CCL17: variants seen among roughly 807,000 people sequenced by gnomAD.
The protein encoded by CCL17 is C-C motif chemokine 17.
Under a neutral mutation model 7.4 loss-of-function variants are expected in CCL17, and 8 were observed. The ratio of observed to expected loss-of-function variants is 1.09; its 90% CI spans 0.64 to 1.96. The LOEUF (loss-of-function observed/expected upper bound fraction) is 1.96. Among genes scored for constraint, CCL17 ranks in the 30% most tolerant of loss-of-function variants. CCL17 has a pLI of 0.00. For missense variants in CCL17, 102 were observed against 113.0 expected (o/e 0.90, Z 0.44); for synonymous variants, 40 against 46.1 (o/e 0.87, Z 0.54).
chr16:57,412,853 C>G (rs902844973), intron 1 of CCL17, among the ~76,000 whole-genome samples: 2 of 152,192 alleles, frequency 1.3e-5, no homozygotes, highest in South Asian at 4.1e-4. Flanking sequence ...GGGACTGACC[C>G]GCATGCAGTG....
At chr16:57,401,815 GCCC>G (rs1902598221), upstream of CCL17, among the ~76,000 whole-genome samples, 1 of 152,146 alleles carries the variant, frequency 6.6e-6, no homozygotes, top group South Asian at 2.1e-4. Context: ...ACTCTCCTGT[GCCC>G]CTCCAAGGAA....
the CCL17 span, among the ~76,000 whole-genome samples, chr16:57,396,187 A>G: frequency 6.6e-6 from 1 of 152,164 alleles, no homozygotes; most frequent in Non-Finnish European, 1.5e-5. Context: ...GCACTGACAG[A>G]CTTGAGCTTT....
At chr16:57,407,964 ACCAT>A (rs1403645796) in intron 1 of CCL17, among the ~76,000 whole-genome samples, 2 of 149,932 alleles carry the variant, frequency 1.3e-5, no homozygotes, top group Non-Finnish European at 3.0e-5. Flanking sequence ...ACATCCATCT[ACCAT>A]CCATCCATCT....
intron 1 of CCL17, among the ~76,000 whole-genome samples, chr16:57,413,557 C>G (rs2062156477): frequency 6.6e-6 from 1 of 152,246 alleles, no homozygotes; most frequent in Non-Finnish European, 1.5e-5. Context: ...ATGAAGGATG[C>G]TCTCCAGCTA....
At chr16:57,407,901 A>G (rs1412708722) in intron 1 of CCL17, among the ~76,000 whole-genome samples, 1 of 150,666 alleles carries the variant, frequency 6.6e-6, no homozygotes, top group Non-Finnish European at 1.5e-5. Flanking sequence ...CCATCCGTTC[A>G]TCCATTCATC....
upstream of CCL17, among the ~76,000 whole-genome samples, chr16:57,403,586 A>C (rs1185076363): frequency 1.6e-5 from 1 of 62,714 alleles, no homozygotes; most frequent in East Asian, 5.4e-4. Flanking sequence ...AATATATATA[A>C]TATATATTTA....
At chr16:57,405,015 G>A (rs77167544) in intron 1 of CCL17, among the ~76,000 whole-genome samples, 179 bp downstream of exon 1, 3 of 152,192 alleles carry the variant, frequency 2.0e-5, no homozygotes, top group Non-Finnish European at 2.9e-5. Context: ...GTGAGGGGAC[G>A]CACTGGCCCT....
intron 1 of CCL17, among the ~76,000 whole-genome samples, chr16:57,412,156 C>T (rs1902794624): frequency 6.6e-6 from 1 of 152,208 alleles, no homozygotes; most frequent in Non-Finnish European, 1.5e-5. Context: ...TGGGACAGAC[C>T]AAACTTCCCT....
chr16:57,400,141 C>T (rs972681326), upstream of CCL17, among the ~76,000 whole-genome samples: 5 of 152,196 alleles, frequency 3.3e-5, no homozygotes, highest in African/African-American at 7.2e-5. Flanking sequence ...GGGCGGATCA[C>T]GAGGTCAGGA....
intron 1 of CCL17, among the ~76,000 whole-genome samples, chr16:57,410,195 C>T (rs1902761895): frequency 6.6e-6 from 1 of 152,212 alleles, no homozygotes; most frequent in Non-Finnish European, 1.5e-5. Context: ...CGAGCCTGGG[C>T]AGAGCCTGGG....
At chr16:57,403,952 C>T (rs1399461284), upstream of CCL17, among the ~76,000 whole-genome samples, 7 of 151,736 alleles carry the variant, frequency 4.6e-5, no homozygotes, top group African/African-American at 1.5e-4. Context: ...CCACCACGCC[C>T]GGCCTAAAAA....
upstream of CCL17, among the ~76,000 whole-genome samples, chr16:57,400,846 G>A (rs539123719): frequency 6.6e-6 from 1 of 152,088 alleles, no homozygotes; most frequent in African/African-American, 2.4e-5. Flanking sequence ...GCGTGTGCCT[G>A]TAATCCCAGC....
In CCL17 at chr16:57,415,212, G is replaced by A. The variant is rs1902850910; in HGVS notation, c.188+14G>A. The A allele has an allele frequency of 4.6e-6, 7 of 1,526,866 alleles. No individual in the cohort carries two copies. The highest frequency in any genetic ancestry group is 6.4e-6 in the Non-Finnish European group (7 of 1,100,594). The allele number at this position is 1,526,866 out of a possible 1,614,324, so 94.6% of individuals were successfully genotyped here. On this transcript the variant is annotated intron_variant, in intron 3 of 3. Transcript: ENST00000219244. The surrounding 1 kb of genome is among the most constrained non-coding windows in gnomAD (Gnocchi z 4.5). ...GGATGCCATCGTGTAAGTCCCCCTG[G>A]CTCCACCCCTGCTCCTCAGGGCCAA...
At chr16:57,410,349 C>A (rs2146537900) in intron 1 of CCL17, among the ~76,000 whole-genome samples, 1 of 152,292 alleles carries the variant, frequency 6.6e-6, no homozygotes, top group Admixed American at 6.5e-5. Context: ...GTGTGCCTGG[C>A]CACTTTAGTC....
chr16:57,403,619 T>TAATATATATAATATATATTATA (rs1902649825), upstream of CCL17, among the ~76,000 whole-genome samples: 1 of 76,734 alleles, frequency 1.3e-5, no homozygotes, highest in Non-Finnish European at 2.4e-5. Flanking sequence ...TATATATTTA[T>TAATATATATAATATATATTATA]AATATATATT....
chr16:57,399,341 C>A, the CCL17 span, among the ~76,000 whole-genome samples: 7 of 152,152 alleles, frequency 4.6e-5, no homozygotes, highest in African/African-American at 1.4e-4. Flanking sequence ...GGGTAGGTAA[C>A]CACCAGGGCA....
At chr16:57,399,264 A>T in the CCL17 span, among the ~76,000 whole-genome samples, 1 of 152,086 alleles carries the variant, frequency 6.6e-6, no homozygotes, top group African/African-American at 2.4e-5. Flanking sequence ...CATTGCCACG[A>T]CCACCATCAG....
chr16:57,397,853 G>A, the CCL17 span, among the ~76,000 whole-genome samples: 1 of 152,186 alleles, frequency 6.6e-6, no homozygotes, highest in Non-Finnish European at 1.5e-5. Flanking sequence ...TTCAAGTACT[G>A]TTACATCAGT....
At chr16:57,403,607 AATATATATTTATAATATATATT>A (rs1567561234), upstream of CCL17, among the ~76,000 whole-genome samples, 1 of 62,530 alleles carries the variant, frequency 1.6e-5, no homozygotes, top group African/African-American at 6.6e-5. Flanking sequence ...TAATATATAT[AATATATATTTATAATATATATT>A]ATATATATTA....
Sources: allele counts gnomAD v4.1 joint callset (sites outside exome capture counted in the v4.1 genomes callset), GRCh38; gene constraint gnomAD v4.1.1; non-coding constraint Gnocchi (gnomAD v3.1); transcripts MANE v1.5; gene names NCBI Gene and HGNC (gene_info 2026-07-23, HGNC 2026-07-21).